Variants in CA8 observed in about 807,000 individuals in gnomAD.
CA8 encodes the protein carbonic anhydrase 8 (inactive).
A neutral mutation model predicts 41.4 loss-of-function variants in CA8; 22 were observed. That is an observed-to-expected ratio of 0.53 (90% confidence interval 0.38 to 0.76). CA8 has a LOEUF of 0.76. Among genes scored for constraint, CA8 ranks in the 30% least tolerant of loss-of-function variants. The pLI is 0.00. For missense variants in CA8, 270 were observed against 352.8 expected (o/e 0.77, Z 1.88); for synonymous variants, 121 against 130.6 (o/e 0.93, Z 0.50).
chr8:60,237,502 G>C (rs1160420165), intron 3 of CA8, among the ~76,000 whole-genome samples: 1 of 152,194 alleles, frequency 6.6e-6, no homozygotes, highest in African/African-American at 2.4e-5. Flanking sequence ...GAAGTAGACG[G>C]GTCACTGCAT....
In CA8 at chr8:60,188,230, GAA is replaced by G. The variant is rs1279634894; in HGVS notation, c.*1789_*1790del. On this transcript the variant is annotated 3_prime_UTR_variant, in exon 9 of 9. Coordinates refer to ENST00000317995, the MANE Select transcript of CA8 (RefSeq NM_004056.6). ...AGTCTGAACAACTAGATGTTATCCT[GAA>G]AGTCATTTAATTACTATTTGTTATT... 1 of 152,134 alleles carries G rather than the reference GAA, an allele frequency of 6.6e-6. No individual in the cohort carries two copies. Among genetic ancestry groups the G allele is most frequent in the Non-Finnish European group, 1.5e-5 (1 of 68,024 alleles). The allele number at this position is 152,134 out of a possible 1,614,324, so 9.4% of individuals were successfully genotyped here.
intron 8 of CA8, among the ~76,000 whole-genome samples, chr8:60,195,114 T>G (rs997689471): frequency 6.6e-6 from 1 of 152,206 alleles, no homozygotes; most frequent in African/African-American, 2.4e-5. Context: ...AAATATTCAT[T>G]TATCTACATC....
At chr8:60,272,493 T>C (rs1804104686) in intron 2 of CA8, among the ~76,000 whole-genome samples, 2 of 152,194 alleles carry the variant, frequency 1.3e-5, no homozygotes, top group African/African-American at 4.8e-5. Flanking sequence ...ACCCCCTTTA[T>C]CATGAACAAA....
chr8:60,259,113 A>C (rs942745647), intron 3 of CA8, among the ~76,000 whole-genome samples: 1 of 152,204 alleles, frequency 6.6e-6, no homozygotes, highest in Non-Finnish European at 1.5e-5. Flanking sequence ...GGATGGATGG[A>C]TGGGTGGACG....
intron 2 of CA8, among the ~76,000 whole-genome samples, chr8:60,276,373 A>G (rs1054222151): frequency 6.6e-6 from 1 of 152,200 alleles, no homozygotes; most frequent in Non-Finnish European, 1.5e-5. Flanking sequence ...AGGAGGAGCG[A>G]GGGAGGGAAG....
At position 60,198,610 on chromosome 8, in the gene CA8, ACTAT is replaced by A. The variant is rs905469588; in HGVS notation, c.*36-8629_*36-8626del. ...CCCTGGTGTGTTGTAAGGGTGATTG[ACTAT>A]CTAATTACTTCTTAATTGAATGCAC... On this transcript the variant is annotated intron_variant, in intron 8 of 8. Coordinates refer to ENST00000317995, the MANE Select transcript of CA8 (RefSeq NM_004056.6). Among the ~76,000 whole-genome samples, 15 of 150,120 alleles carry A rather than the reference ACTAT, an allele frequency of 1.0e-4. No individual in the cohort carries two copies. The East Asian group carries it at 1.2e-3, about 12-fold the overall frequency.
At chr8:60,275,916 T>G (rs1442461888) in intron 2 of CA8, among the ~76,000 whole-genome samples, 1 of 152,180 alleles carries the variant, frequency 6.6e-6, no homozygotes, top group African/African-American at 2.4e-5. Context: ...CGCTGGAAGC[T>G]TCAAGCAATG....
At chr8:60,275,099 C>T (rs12679218) in intron 2 of CA8, among the ~76,000 whole-genome samples, 23,510 of 151,988 alleles carry the variant, frequency 0.15, 2,025 homozygotes, top group South Asian at 0.21. Context: ...TCCCCAACCC[C>T]AAAACAAAAA....
chr8:60,230,676 A>C (rs948547934), intron 4 of CA8, among the ~76,000 whole-genome samples: 3 of 151,976 alleles, frequency 2.0e-5, no homozygotes, highest in Non-Finnish European at 2.9e-5. Context: ...TTGCACACAG[A>C]TAACCTGAAT....
chr8:60,196,017 A>G (rs1188455597), intron 8 of CA8, among the ~76,000 whole-genome samples: 1 of 152,190 alleles, frequency 6.6e-6, no homozygotes, highest in East Asian at 1.9e-4. Context: ...ATTATTTAAC[A>G]TTATTCTGGA....
chr8:60,198,837 T>C (rs1223675483), intron 8 of CA8, among the ~76,000 whole-genome samples: 3 of 152,188 alleles, frequency 2.0e-5, no homozygotes, highest in Non-Finnish European at 4.4e-5. Flanking sequence ...CATACACAAC[T>C]AATTTAGATG....
intron 4 of CA8, among the ~76,000 whole-genome samples, chr8:60,231,028 A>C (rs1807631224): frequency 6.6e-6 from 1 of 152,102 alleles, no homozygotes; most frequent in African/African-American, 2.4e-5. Flanking sequence ...TAATAATGAG[A>C]TAGTACATTC....
At chr8:60,207,309 T>C (rs553856594) in intron 8 of CA8, among the ~76,000 whole-genome samples, 64 of 152,334 alleles carry the variant, frequency 4.2e-4, no homozygotes, top group African/African-American at 1.4e-3. Flanking sequence ...AGTAACCCCA[T>C]TAGATCCATC....
At chr8:60,227,390 AC>A (rs2130481621) in intron 4 of CA8, among the ~76,000 whole-genome samples, 1 of 152,306 alleles carries the variant, frequency 6.6e-6, no homozygotes, top group East Asian at 1.9e-4. Flanking sequence ...GTCAATGTCT[AC>A]TAAAGGTAAT....
At chr8:60,263,279 G>T in intron 3 of CA8, among the ~76,000 whole-genome samples, 1 of 149,470 alleles carries the variant, frequency 6.7e-6, no homozygotes, top group East Asian at 2.0e-4. Flanking sequence ...CCGAGACTGT[G>T]CCACTGCACT....
chr8:60,220,905 G>C (rs973973170), intron 7 of CA8, among the ~76,000 whole-genome samples: 1 of 152,174 alleles, frequency 6.6e-6, no homozygotes, highest in South Asian at 2.1e-4. Flanking sequence ...TTTCACTGAG[G>C]GCAACTGTGG....
rs199844349 is a variant in CA8, at chr8:60,217,113, AC to A, written c.738+5535del. Among the ~76,000 whole-genome samples the A allele has an allele frequency of 9.6e-3, 1,459 of 152,124 alleles. 11 individuals carry two copies. Among genetic ancestry groups the A allele is most frequent in the Middle Eastern group, 0.027 (8 of 294 alleles). On this transcript the variant is annotated intron_variant, in intron 7 of 8. Coordinates refer to ENST00000317995, the MANE Select transcript of CA8 (RefSeq NM_004056.6). Reference sequence around the variant, plus strand: ...TGGCCAGGCAGGTCTCTAACTCCTGACCTCAGGTGATCCGTCCACCTCAGCC... The same window carrying A: ...TGGCCAGGCAGGTCTCTAACTCCTGACTCAGGTGATCCGTCCACCTCAGCC...
intron 1 of CA8, 79 bp from the exon 2 acceptor site, chr8:60,279,959 T>C (rs1189342727): frequency 2.6e-5 from 30 of 1,139,564 alleles, no homozygotes; most frequent in Non-Finnish European, 3.6e-5. Context: ...AACTAAACAC[T>C]TAGAACCCTT....
rs180883530 is a variant in CA8 at position 60,258,871 on chromosome 8, C to A, written c.417+7054G>T. ...CAGGAGGTAATGCTCACTGGCCCAC[C>A]ACTCACCTTGTGCTGTGCAGCCAGG... is the stretch of plus-strand genomic sequence containing the variant. On this transcript the variant is annotated intron_variant, in intron 3 of 8. Coordinates refer to ENST00000317995, the MANE Select transcript of CA8 (RefSeq NM_004056.6). Among the ~76,000 whole-genome samples the A allele has an allele frequency of 2.6e-5, 4 of 152,326 alleles. No homozygotes were observed. In the East Asian group the frequency reaches 7.7e-4, roughly 29 times the overall value.
Sources: gnomAD v4.1 joint callset for allele counts (sites outside exome capture counted in the v4.1 genomes callset) on GRCh38, gnomAD v4.1.1 for gene constraint, MANE v1.5 for transcripts, NCBI Gene and HGNC (gene_info 2026-07-23, HGNC 2026-07-21) for gene names.